ELAPOR2: variants seen among roughly 807,000 people sequenced by gnomAD.
ELAPOR2 encodes the protein endosome/lysosome-associated apoptosis and autophagy regulator family member 2.
In ELAPOR2, 89 loss-of-function variants were observed where a neutral mutation model predicts 120.7. That is an observed-to-expected ratio of 0.74 (90% CI 0.62 to 0.88). The LOEUF (loss-of-function observed/expected upper bound fraction) is 0.88, where lower values mean the gene tolerates loss of function less well. Among genes scored for constraint, ELAPOR2 ranks in the 40% least tolerant of loss-of-function variants. The probability of loss-of-function intolerance (pLI) is 0.00; values close to 1 mark genes in which losing one functional copy is unlikely to be tolerated. For synonymous variants in ELAPOR2, 444 were observed against 444.9 expected (o/e 1.00, Z 0.03); for missense variants, 1,134 against 1,251.6 (o/e 0.91, Z 1.42).
chr7:86,936,400 G>C (rs1790560014), intron 8 of ELAPOR2, among the ~76,000 whole-genome samples: 1 of 151,888 alleles, frequency 6.6e-6, no homozygotes, highest in Admixed American at 6.6e-5. Context: ...CATTTTAAAA[G>C]ATGAAACCAA....
intron 1 of ELAPOR2, among the ~76,000 whole-genome samples, chr7:86,966,188 C>T (rs1791896028): frequency 1.3e-5 from 2 of 152,090 alleles, no homozygotes; most frequent in Admixed American, 1.3e-4. Flanking sequence ...TATCCAAGCT[C>T]ATCTTACAAG....
chr7:86,909,843 T>C lies in ELAPOR2; in HGVS notation c.2328A>G (p.Ser776=). 6.2e-7 allele frequency: 1 copy of C among 1,612,544 alleles called. No individual in the cohort carries two copies. The highest frequency in any genetic ancestry group is 8.5e-7 in the Non-Finnish European group (1 of 1,179,220). The change falls in exon 16 of 22, where the codon TCA becomes TCG. Residue 776 remains serine, a synonymous_variant. Transcript: ENST00000450689. ...ESKGFRAALS[S]QSIILADTFI... ...ATGTATCTGCCAGAATGATGGATTG[T>C]GATGATAAGGCTGCTCGGAAACCCT...
intron 1 of ELAPOR2, among the ~76,000 whole-genome samples, chr7:86,987,730 C>T (rs1330835842): frequency 2.0e-5 from 3 of 151,666 alleles, no homozygotes; most frequent in African/African-American, 4.9e-5. Flanking sequence ...GAAATAGGAA[C>T]GCTTTTACAC....
intron 2 of ELAPOR2, among the ~76,000 whole-genome samples, chr7:86,961,331 G>A (rs1351287319): frequency 6.6e-6 from 1 of 152,170 alleles, no homozygotes; most frequent in Non-Finnish European, 1.5e-5. Context: ...TATTAAGGTT[G>A]TACCTGAAGT....
At chr7:86,913,367 A>G (rs1335833058) in intron 13 of ELAPOR2, among the ~76,000 whole-genome samples, 163 bp from the exon 14 acceptor site, 2 of 152,200 alleles carry the variant, frequency 1.3e-5, no homozygotes, top group Non-Finnish European at 2.9e-5. Flanking sequence ...TTCTTCTTTT[A>G]AAAAATCTTA....
intron 1 of ELAPOR2, among the ~76,000 whole-genome samples, chr7:87,003,264 T>C (rs1793373893): frequency 6.6e-6 from 1 of 152,144 alleles, no homozygotes; most frequent in Admixed American, 6.6e-5. Flanking sequence ...ATAATGTATA[T>C]GGTACCAGCC....
chr7:86,932,492 C>CG (rs769689143), intron 8 of ELAPOR2, among the ~76,000 whole-genome samples: 5 of 151,764 alleles, frequency 3.3e-5, no homozygotes, highest in African/African-American at 1.2e-4. Flanking sequence ...AGGAGGGTGG[C>CG]GGGGGGAGAC....
intron 1 of ELAPOR2, among the ~76,000 whole-genome samples, chr7:86,983,589 C>G (rs1583946885): frequency 6.6e-6 from 1 of 152,128 alleles, no homozygotes; most frequent in East Asian, 1.9e-4. Context: ...CCAAACTAAG[C>G]TTCATAAGTG....
chr7:87,025,192 A>G (rs771595335), intron 1 of ELAPOR2, among the ~76,000 whole-genome samples: 6 of 152,108 alleles, frequency 3.9e-5, no homozygotes, highest in Non-Finnish European at 5.9e-5. Flanking sequence ...AAATTGTAGA[A>G]GCAGTCATCT....
At position 87,038,373 on chromosome 7, in the gene ELAPOR2, G is replaced by T. The variant is rs554494308; in HGVS notation, c.189+20952C>A. Reference sequence around the variant, plus strand: ...TACATATCTCAAAACACACAGATAAGAAAAAGTCTAGGGAAATATATATTA... The same window carrying T: ...TACATATCTCAAAACACACAGATAATAAAAAGTCTAGGGAAATATATATTA... On this transcript the variant is annotated intron_variant, in intron 1 of 21. Transcript: ENST00000450689. 3.8e-4 allele frequency among the ~76,000 whole-genome samples: 58 copies of T among 152,164 alleles called. 1 individual carries two copies. The highest frequency in any genetic ancestry group is 1.3e-3 in the African/African-American group (54 of 41,516).
chr7:86,918,427 C>T lies in ELAPOR2; in HGVS notation c.1593+15G>A, dbSNP rs745928947. The T allele has an allele frequency of 1.8e-5, 28 of 1,555,426 alleles. No homozygotes were observed. In the South Asian group the frequency reaches 2.6e-4, roughly 14 times the overall value. ...AGCTTAGAAATCTGCCTTTGAAAGC[C>T]GCCCGTCCACTTACCACCATGAAGT... On this transcript the variant is annotated intron_variant, in intron 12 of 21. Coordinates refer to ENST00000450689, the MANE Select transcript of ELAPOR2 (RefSeq NM_001142749.3).
chr7:86,962,413 G>A (rs993036761), intron 2 of ELAPOR2, among the ~76,000 whole-genome samples: 6 of 152,060 alleles, frequency 3.9e-5, no homozygotes, highest in Non-Finnish European at 5.9e-5. Flanking sequence ...CTAAATATTC[G>A]TCACTTACTT....
At chr7:87,029,562 C>T (rs974413704) in intron 1 of ELAPOR2, among the ~76,000 whole-genome samples, 1 of 152,112 alleles carries the variant, frequency 6.6e-6, no homozygotes, top group African/African-American at 2.4e-5. Flanking sequence ...GAAAACTATG[C>T]AATGGAGGTT....
intron 8 of ELAPOR2, among the ~76,000 whole-genome samples, chr7:86,935,196 T>G (rs555074326): frequency 6.6e-6 from 1 of 152,158 alleles, no homozygotes; most frequent in South Asian, 2.1e-4. Flanking sequence ...AAGGCCAAAA[T>G]TCCTAATATG....
At chr7:86,998,900 G>T (rs1419778838) in intron 1 of ELAPOR2, among the ~76,000 whole-genome samples, 3 of 150,300 alleles carry the variant, frequency 2.0e-5, no homozygotes, top group Non-Finnish European at 4.4e-5. Flanking sequence ...CGTATCAACA[G>T]TAACATCAAG....
In ELAPOR2 at chr7:86,967,388, G is replaced by A. The variant is rs1271590710; in HGVS notation, c.190-2364C>T. Reference sequence around the variant, plus strand: ...GAGAATCACTTGAATGCTGGAGGCAGAGGTTGCAGTGAGCTGAGATTGAAC... The same window carrying A: ...GAGAATCACTTGAATGCTGGAGGCAAAGGTTGCAGTGAGCTGAGATTGAAC... On this transcript the variant is annotated intron_variant, in intron 1 of 21. Coordinates refer to ENST00000450689, the MANE Select transcript of ELAPOR2 (RefSeq NM_001142749.3). Among the ~76,000 whole-genome samples the A allele has an allele frequency of 2.0e-5, 3 of 152,166 alleles. No individual in the cohort carries two copies. In the East Asian group the frequency reaches 5.8e-4, roughly 29 times the overall value.
At chr7:86,924,308 T>G (rs1789958501) in intron 10 of ELAPOR2, among the ~76,000 whole-genome samples, 1 of 151,756 alleles carries the variant, frequency 6.6e-6, no homozygotes, top group South Asian at 2.1e-4. Flanking sequence ...TTCCAGAGTT[T>G]AAGCTATGAA....
At chr7:87,009,842 G>C (rs529881515) in intron 1 of ELAPOR2, among the ~76,000 whole-genome samples, 3 of 152,182 alleles carry the variant, frequency 2.0e-5, no homozygotes, top group Non-Finnish European at 4.4e-5. Flanking sequence ...ACAGTACAAC[G>C]AGGGTTATTT....
chr7:86,971,834 C>T (rs971801690), intron 1 of ELAPOR2, among the ~76,000 whole-genome samples: 2 of 151,894 alleles, frequency 1.3e-5, no homozygotes, highest in South Asian at 2.1e-4. Flanking sequence ...ATTGAAGGTA[C>T]CAAAAACCTC....
Sources: gnomAD v4.1 joint callset for allele counts (sites outside exome capture counted in the v4.1 genomes callset) on GRCh38, gnomAD v4.1.1 for gene constraint, MANE v1.5 for transcripts, NCBI Gene and HGNC (gene_info 2026-07-23, HGNC 2026-07-21) for gene names.